Variants in NOL4 observed in about 807,000 individuals in gnomAD.
The protein encoded by NOL4 is nucleolar protein 4, also known as cancer/testis antigen 125.
Under a neutral mutation model 75.9 loss-of-function variants are expected in NOL4, and 17 were observed. The observed-to-expected ratio is 0.22, with a 90% CI of 0.15 to 0.34. The LOEUF (loss-of-function observed/expected upper bound fraction) is 0.34, where lower values mean the gene tolerates loss of function less well. Among genes scored for constraint, NOL4 ranks in the 10% least tolerant of loss-of-function variants. The pLI is 1.00. For synonymous variants in NOL4, 292 were observed against 289.9 expected (o/e 1.01, Z -0.07); for missense variants, 614 against 793.5 (o/e 0.77, Z 2.72).
intron 1 of NOL4, among the ~76,000 whole-genome samples, chr18:34,151,710 T>G (rs1338757759): frequency 6.6e-6 from 1 of 151,940 alleles, no homozygotes; most frequent in Non-Finnish European, 1.5e-5. Context: ...TGGATTTTAA[T>G]GATATGCCAA....
chr18:34,133,048 G>C (rs988032062), intron 1 of NOL4, among the ~76,000 whole-genome samples: 4 of 151,964 alleles, frequency 2.6e-5, no homozygotes, highest in Non-Finnish European at 4.4e-5. Context: ...AGAGGGGGGT[G>C]GATCACCTGA....
At chr18:34,191,005 A>G (rs2034870526) in intron 1 of NOL4, among the ~76,000 whole-genome samples, 1 of 152,104 alleles carries the variant, frequency 6.6e-6, no homozygotes, top group Non-Finnish European at 1.5e-5. Flanking sequence ...AAATATAAAG[A>G]TATTGCTTAA....
chr18:33,852,028 T>C lies in NOL4; in HGVS notation c.*814A>G, dbSNP rs1024826979. On this transcript the variant is annotated 3_prime_UTR_variant, in exon 11 of 11. Coordinates refer to ENST00000261592, the MANE Select transcript of NOL4 (RefSeq NM_003787.5). The stretch of plus-strand genomic sequence containing the variant: ...GATTTTTTTTCAACAACATGTCTTG[T>C]CATTATTAAAAAAAAAATTCTGGGA... The C allele has an allele frequency of 6.6e-6, 1 of 152,244 alleles. No individual in the cohort carries two copies. The highest frequency in any genetic ancestry group is 1.5e-5 in the Non-Finnish European group (1 of 67,922). The allele number at this position is 152,244 out of a possible 1,614,324, so 9.4% of individuals were successfully genotyped here.
chr18:33,917,569 C>T (rs548298275), intron 9 of NOL4, among the ~76,000 whole-genome samples: 1 of 152,174 alleles, frequency 6.6e-6, no homozygotes, highest in East Asian at 1.9e-4. Flanking sequence ...AATCATAGCT[C>T]ACTGCAAGCT....
At chr18:33,933,502 T>C (rs990535751) in intron 9 of NOL4, among the ~76,000 whole-genome samples, 3 of 152,156 alleles carry the variant, frequency 2.0e-5, no homozygotes, top group African/African-American at 7.2e-5. Flanking sequence ...TAGAGCTTCT[T>C]TCAAAATGGG....
intron 6 of NOL4, among the ~76,000 whole-genome samples, chr18:34,018,322 C>T (rs896114519): frequency 6.6e-6 from 1 of 152,104 alleles, no homozygotes; most frequent in Non-Finnish European, 1.5e-5. Context: ...AGCAGCCTCC[C>T]TCAGGCAGGA....
chr18:33,942,382 G>A (rs2068548712), intron 9 of NOL4, among the ~76,000 whole-genome samples: 1 of 151,840 alleles, frequency 6.6e-6, no homozygotes, highest in Non-Finnish European at 1.5e-5. Flanking sequence ...ACATTTCTGG[G>A]ATGAGAAGGA....
intron 6 of NOL4, among the ~76,000 whole-genome samples, chr18:34,008,376 T>TCTATCTAC (rs1204750727): frequency 9.0e-6 from 1 of 111,216 alleles, no homozygotes; most frequent in Non-Finnish European, 2.1e-5. Flanking sequence ...TGTCTGTCTA[T>TCTATCTAC]CTATCTATCT....
chr18:33,881,149 T>C (rs1780968085), intron 10 of NOL4, among the ~76,000 whole-genome samples: 2 of 151,632 alleles, frequency 1.3e-5, no homozygotes, highest in Admixed American at 1.3e-4. Flanking sequence ...AGTTCACTCA[T>C]GATTTGGCTC....
intron 1 of NOL4, among the ~76,000 whole-genome samples, chr18:34,165,104 G>C (rs1351960958): frequency 9.7e-4 from 128 of 131,512 alleles, no homozygotes; most frequent in African/African-American, 2.7e-3. Context: ...GGTGGGGGAA[G>C]GGGGGAGGGA....
chr18:34,146,865 T>C (rs76664616), intron 1 of NOL4, among the ~76,000 whole-genome samples: 1,653 of 152,280 alleles, frequency 0.011, 49 homozygotes, highest in Admixed American at 0.052. Context: ...GGAATGTTTT[T>C]CCATTTGTTT....
At chr18:34,104,697 T>G (rs2079188862) in intron 3 of NOL4, among the ~76,000 whole-genome samples, 1 of 152,012 alleles carries the variant, frequency 6.6e-6, no homozygotes, top group African/African-American at 2.4e-5. Context: ...CTCCACATTA[T>G]TCATAATTTT....
At chr18:34,134,427 C>A (rs563127809) in intron 1 of NOL4, among the ~76,000 whole-genome samples, 3 of 148,770 alleles carry the variant, frequency 2.0e-5, no homozygotes, top group African/African-American at 7.4e-5. Flanking sequence ...CATATATGGA[C>A]CCAATAAGAG....
chr18:33,976,392 T>C (rs1667335555), intron 6 of NOL4, among the ~76,000 whole-genome samples: 1 of 152,148 alleles, frequency 6.6e-6, no homozygotes, highest in Non-Finnish European at 1.5e-5. Flanking sequence ...AGTTTACATA[T>C]ATTTTAACCA....
chr18:34,033,722 A>G (rs1408973077), intron 5 of NOL4, among the ~76,000 whole-genome samples: 1 of 152,154 alleles, frequency 6.6e-6, no homozygotes, highest in Non-Finnish European at 1.5e-5. Flanking sequence ...ATAAAATGCA[A>G]CAAGATCTTC....
chr18:33,883,899 A>C (rs535441467), intron 9 of NOL4, among the ~76,000 whole-genome samples: 1 of 152,260 alleles, frequency 6.6e-6, no homozygotes, highest in Non-Finnish European at 1.5e-5. Context: ...AAGGTATCAA[A>C]AGTAATCAAA....
Position 34,018,613 on chromosome 18 carries a change from C to T in NOL4, c.1056+705G>A, listed in dbSNP as rs192057795. ...AAGTACACCTTCAAAAATCATAGAG[C>T]AAAGTCACCAGCATGTGTTATCTCA... is the stretch of plus-strand genomic sequence containing the variant. On this transcript the variant is annotated intron_variant, in intron 6 of 10. Transcript: ENST00000261592. Among the ~76,000 whole-genome samples, 18 of 151,952 alleles carry T rather than the reference C, an allele frequency of 1.2e-4. No individual in the cohort carries two copies. In the East Asian group the frequency reaches 3.3e-3, roughly 28 times the overall value.
chr18:34,061,808 TA>T (rs1447031664), intron 5 of NOL4, among the ~76,000 whole-genome samples: 3 of 152,080 alleles, frequency 2.0e-5, no homozygotes, highest in African/African-American at 7.2e-5. Context: ...CTAATTGAGA[TA>T]AAGGGATCAC....
intron 9 of NOL4, among the ~76,000 whole-genome samples, chr18:33,939,414 T>A (rs1050703627): frequency 6.6e-6 from 1 of 152,196 alleles, no homozygotes; most frequent in East Asian, 1.9e-4. Context: ...GAGCAAGGAA[T>A]GTTTTTCCAT....
Sources: allele counts gnomAD v4.1 joint callset (sites outside exome capture counted in the v4.1 genomes callset), GRCh38; gene constraint gnomAD v4.1.1; transcripts MANE v1.5; gene names NCBI Gene and HGNC (gene_info 2026-07-23, HGNC 2026-07-21).